GCNT2: variants seen among roughly 807,000 people sequenced by gnomAD.
GCNT2 encodes the protein glucosaminyl (N-acetyl) transferase 2 (I blood group), also known as N-acetyllactosaminide beta-1,6-N-acetylglucosaminyl-transferase.
In GCNT2, 34 loss-of-function variants were observed where a neutral mutation model predicts 34.2. That is an observed-to-expected ratio of 1.00 (90% CI 0.76 to 1.32). The LOEUF (loss-of-function observed/expected upper bound fraction) is 1.32, where lower values mean the gene tolerates loss of function less well. Ranked by LOEUF, GCNT2 falls within the 40% of genes most tolerant of loss-of-function variation. The pLI is 0.00. For synonymous variants in GCNT2, 212 were observed against 188.0 expected (o/e 1.13, Z -1.04); for missense variants, 584 against 489.4 (o/e 1.19, Z -1.82).
At chr6:10,622,169 A>G (rs969852287) in intron 4 of GCNT2, among the ~76,000 whole-genome samples, 5 of 152,216 alleles carry the variant, frequency 3.3e-5, no homozygotes, top group African/African-American at 1.2e-4. Flanking sequence ...AGTCATTTCC[A>G]TTTCTATAGA....
At chr6:10,620,552 C>T (rs1305109755) in intron 3 of GCNT2, among the ~76,000 whole-genome samples, 1 of 152,028 alleles carries the variant, frequency 6.6e-6, no homozygotes, top group African/African-American at 2.4e-5. Flanking sequence ...GGACTACAAG[C>T]ACGTGCCACC....
At chr6:10,619,756 C>T (rs976982597) in intron 3 of GCNT2, 2 of 152,140 alleles carry the variant, frequency 1.3e-5, no homozygotes, top group Non-Finnish European at 2.9e-5. Flanking sequence ...AATATATTGT[C>T]TTACAATTCT....
chr6:10,560,471 G>C (rs908827748), intron 3 of GCNT2, among the ~76,000 whole-genome samples: 1 of 152,248 alleles, frequency 6.6e-6, no homozygotes, highest in Admixed American at 6.5e-5. Context: ...TTGCAAACGT[G>C]CAAGTGCAGG....
intron 3 of GCNT2, among the ~76,000 whole-genome samples, chr6:10,600,760 T>TTTTATTTA (rs201018706): frequency 2.0e-5 from 3 of 152,068 alleles, no homozygotes; most frequent in South Asian, 4.2e-4. Context: ...GCAGTTTTAT[T>TTTTATTTA]TTTATTTATT....
intron 3 of GCNT2, among the ~76,000 whole-genome samples, chr6:10,557,765 T>G (rs562062741): frequency 1.3e-5 from 2 of 152,056 alleles, no homozygotes; most frequent in African/African-American, 2.4e-5. Flanking sequence ...ATGCTGGGAT[T>G]ATAGCCATGA....
chr6:10,557,160 C>A, intron 3 of GCNT2: 7 of 1,549,600 alleles, frequency 4.5e-6, no homozygotes, highest in African/African-American at 1.4e-5. Context: ...ATAAGAACAA[C>A]AGCGTTGAAA....
In GCNT2 at chr6:10,529,037, T is replaced by A. The variant is rs781251026; in HGVS notation, c.126T>A (p.Ala42=). ...TTCTGAGGGCAGCTCTGTCCAATGC[T>A]TCACTGTTAGCAGAAGCCTGTCATC... ...KRFLRAALSN[A]SLLAEACHQI... Residue 42 remains alanine (A), a synonymous_variant, in exon 3 of 5, where the codon GCT becomes GCA. Coordinates refer to ENST00000495262, the MANE Select transcript of GCNT2 (RefSeq NM_145649.5). 2.5e-6 allele frequency: 4 copies of A among 1,614,054 alleles called. No individual in the cohort carries two copies. The highest frequency in any genetic ancestry group is 3.4e-6 in the Non-Finnish European group (4 of 1,180,002).
chr6:10,627,665 G>A lies in GCNT2; in HGVS notation c.*1058G>A, dbSNP rs1317826019. The A allele has an allele frequency of 1.3e-5, 2 of 152,006 alleles. No homozygotes were observed. Among genetic ancestry groups the A allele is most frequent in the Admixed American group, 1.3e-4 (2 of 15,244 alleles). The allele number at this position is 152,006 out of a possible 1,614,324, so 9.4% of individuals were successfully genotyped here. The stretch of plus-strand genomic sequence containing the variant: ...TCTCTTGAGTGTCTATTATGTACAG[G>A]ACATGTACTGAGACAAAAAGGAAAC... On this transcript the variant is annotated 3_prime_UTR_variant, in exon 5 of 5. Coordinates refer to ENST00000495262, the MANE Select transcript of GCNT2 (RefSeq NM_145649.5).
intron 3 of GCNT2, among the ~76,000 whole-genome samples, chr6:10,545,151 A>G (rs1762216753): frequency 6.6e-6 from 1 of 151,794 alleles, no homozygotes; most frequent in Non-Finnish European, 1.5e-5. Context: ...ATAAAACTGT[A>G]TCTTCTCTTT....
chr6:10,528,856 T>G lies in GCNT2; in HGVS notation c.-56T>G, dbSNP rs1761325726. 1 of 1,362,894 alleles carries G rather than the reference T, an allele frequency of 7.3e-7. No individual in the cohort carries two copies. Among genetic ancestry groups the G allele is most frequent in the Non-Finnish European group, 1.0e-6 (1 of 952,600 alleles). 84.4% of individuals were successfully genotyped at this position (1,362,894 alleles called of 1,614,324 possible). A position where few individuals can be genotyped will look rare whatever the true frequency, so the allele number is the denominator to read the frequency against. ...CTGGAGAAAATGTAAGTTAAATATA[T>G]CTACACTCTGATCCTATCTCAAGAG... On this transcript the variant is annotated 5_prime_UTR_variant, in exon 3 of 5. Transcript: ENST00000495262.
At chr6:10,556,805 GA>G in intron 3 of GCNT2, 1 of 1,614,150 alleles carries the variant, frequency 6.2e-7, no homozygotes, top group Non-Finnish European at 8.5e-7. Context: ...TCATGTGGAT[GA>G]AAAAGCAACA....
intron 3 of GCNT2, among the ~76,000 whole-genome samples, chr6:10,563,769 AAAAAAAAAATATATAT>A (rs1198445852): frequency 6.1e-4 from 43 of 70,154 alleles, no homozygotes; most frequent in African/African-American, 2.3e-3. Flanking sequence ...AAAAAAAAAA[AAAAAAAAAATATATAT>A]ATATATATAT....
chr6:10,615,567 T>TA lies in GCNT2; in HGVS notation c.926-5783dup, dbSNP rs534755053. On this transcript the variant is annotated intron_variant, in intron 3 of 4. Transcript: ENST00000495262. The stretch of plus-strand genomic sequence containing the variant: ...GGATTCAAGAGATCTACCTGCCTGT[T>TA]ACAGGAAAGGGATCCCGATCCAGAC... Among the ~76,000 whole-genome samples, 17 of 152,280 alleles carry TA rather than the reference T, an allele frequency of 1.1e-4. No individual in the cohort carries two copies. The East Asian group carries it at 3.3e-3, about 29-fold the overall frequency.
At chr6:10,582,384 T>G (rs1400310229) in intron 3 of GCNT2, among the ~76,000 whole-genome samples, 1 of 121,538 alleles carries the variant, frequency 8.2e-6, no homozygotes, top group East Asian at 2.1e-4. Flanking sequence ...TAATTTAATA[T>G]TTATTATATA....
At position 10,542,610 on chromosome 6, in the gene GCNT2, T is replaced by C. The variant is rs116026447; in HGVS notation, c.925+12774T>C. Among the ~76,000 whole-genome samples the C allele has an allele frequency of 7.1e-3, 1,075 of 152,356 alleles. 11 individuals carry two copies. Among genetic ancestry groups the C allele is most frequent in the African/African-American group, 0.024 (1,015 of 41,580 alleles). On this transcript the variant is annotated intron_variant, in intron 3 of 4. Transcript: ENST00000495262. ...ATTAACCAAATCATACTATATGTGT[T>C]CTTTCATGCGTAGCTCCTTTTACTT...
intron 3 of GCNT2, among the ~76,000 whole-genome samples, chr6:10,549,325 C>CT (rs1762390344): frequency 6.6e-6 from 1 of 152,120 alleles, no homozygotes; most frequent in African/African-American, 2.4e-5. Context: ...CGAATCTTGA[C>CT]TTAGATATCT....
intron 3 of GCNT2, among the ~76,000 whole-genome samples, chr6:10,584,382 T>C (rs1764248982): frequency 6.6e-6 from 1 of 152,216 alleles, no homozygotes; most frequent in Non-Finnish European, 1.5e-5. Context: ...TAGAGTAGAA[T>C]GTATGGTTGG....
At chr6:10,589,220 T>C (rs983227500) in intron 3 of GCNT2, among the ~76,000 whole-genome samples, 2 of 146,080 alleles carry the variant, frequency 1.4e-5, no homozygotes, top group Non-Finnish European at 3.0e-5. Flanking sequence ...TGTGTGTGTT[T>C]GCAGTGTATG....
intron 3 of GCNT2, among the ~76,000 whole-genome samples, chr6:10,603,172 G>T (rs1421740773): frequency 1.3e-5 from 2 of 152,160 alleles, no homozygotes; most frequent in African/African-American, 4.8e-5. Flanking sequence ...AGTGATAAAC[G>T]TGTACATGAG....
Sources: allele counts gnomAD v4.1 joint callset (sites outside exome capture counted in the v4.1 genomes callset), GRCh38; gene constraint gnomAD v4.1.1; transcripts MANE v1.5; gene names NCBI Gene and HGNC (gene_info 2026-07-23, HGNC 2026-07-21).